RABGAP1L: variants seen among roughly 807,000 people sequenced by gnomAD.
RABGAP1L encodes the protein rab GTPase-activating protein 1-like.
Under a neutral mutation model 137.7 loss-of-function variants are expected in RABGAP1L, and 63 were observed. The ratio of observed to expected loss-of-function variants is 0.46; its 90% CI spans 0.37 to 0.56. The LOEUF (loss-of-function observed/expected upper bound fraction) is 0.56. Among genes scored for constraint, RABGAP1L ranks in the 20% least tolerant of loss-of-function variants. RABGAP1L has a pLI of 0.00. For missense variants in RABGAP1L, 1,095 were observed against 1,244.0 expected, an observed-to-expected ratio of 0.88 and a Z score of 1.80; for synonymous variants, 431 against 433.7, an observed-to-expected ratio of 0.99 and a Z score of 0.08.
chr1:174,847,346 G>T (rs923100437), intron 19 of RABGAP1L, among the ~76,000 whole-genome samples: 9 of 151,570 alleles, frequency 5.9e-5, no homozygotes, highest in African/African-American at 2.2e-4. Flanking sequence ...ATTTTGGCAT[G>T]ATTTTGCAGC....
At chr1:174,338,557 T>C (rs1681689358) in intron 11 of RABGAP1L, among the ~76,000 whole-genome samples, 1 of 151,770 alleles carries the variant, frequency 6.6e-6, no homozygotes, top group South Asian at 2.1e-4. Context: ...TTTTTTTAAG[T>C]GGTACTATTC....
At chr1:174,607,040 A>C (rs1670843002) in intron 13 of RABGAP1L, among the ~76,000 whole-genome samples, 1 of 152,174 alleles carries the variant, frequency 6.6e-6, no homozygotes, top group African/African-American at 2.4e-5. Flanking sequence ...GGACTGCCAG[A>C]TGTAGCAAAT....
At chr1:174,531,243 T>A (rs12738662) in intron 13 of RABGAP1L, among the ~76,000 whole-genome samples, 3,108 of 152,296 alleles carry the variant, frequency 0.02, 45 homozygotes, top group Middle Eastern at 0.048. Flanking sequence ...TTCATATACC[T>A]ATCAGAGATG....
intron 17 of RABGAP1L, among the ~76,000 whole-genome samples, chr1:174,706,235 C>A (rs1333456731): frequency 6.6e-6 from 1 of 152,114 alleles, no homozygotes; most frequent in African/African-American, 2.4e-5. Context: ...TGCAGCCTGA[C>A]TGAACAACTG....
At chr1:174,597,624 G>T (rs527975529) in intron 13 of RABGAP1L, among the ~76,000 whole-genome samples, 1 of 151,448 alleles carries the variant, frequency 6.6e-6, no homozygotes, top group South Asian at 2.1e-4. Context: ...CTACAGGTTT[G>T]TTGATTTTGT....
chr1:174,194,027 G>A (rs1667394311), intron 1 of RABGAP1L, among the ~76,000 whole-genome samples: 1 of 151,898 alleles, frequency 6.6e-6, no homozygotes, highest in Non-Finnish European at 1.5e-5. Context: ...CGTGTTCAGG[G>A]TCATTAAACT....
intron 4 of RABGAP1L, among the ~76,000 whole-genome samples, chr1:174,240,080 A>G (rs1388500813): frequency 6.6e-6 from 1 of 152,174 alleles, no homozygotes; most frequent in Non-Finnish European, 1.5e-5. Context: ...TTTAGCTTCA[A>G]TTTGCCAAAC....
At chr1:174,730,911 G>A (rs1682411443) in intron 17 of RABGAP1L, among the ~76,000 whole-genome samples, 1 of 152,194 alleles carries the variant, frequency 6.6e-6, no homozygotes, top group Admixed American at 6.5e-5. Context: ...GAAATCTTAT[G>A]TATAAGGACA....
chr1:174,341,767 G>A (rs1275864345), intron 11 of RABGAP1L, among the ~76,000 whole-genome samples: 1 of 152,090 alleles, frequency 6.6e-6, no homozygotes, highest in Non-Finnish European at 1.5e-5. Context: ...ATGACCTGAA[G>A]ATTTGTTTTG....
intron 19 of RABGAP1L, among the ~76,000 whole-genome samples, chr1:174,924,775 T>C (rs749748772): frequency 1.3e-5 from 2 of 151,886 alleles, no homozygotes; most frequent in Non-Finnish European, 2.9e-5. Context: ...TTAAGAAAAA[T>C]CAGTCACTAT....
At chr1:174,896,621 G>A (rs1318700588) in intron 19 of RABGAP1L, among the ~76,000 whole-genome samples, 1 of 152,178 alleles carries the variant, frequency 6.6e-6, no homozygotes, top group Non-Finnish European at 1.5e-5. Flanking sequence ...TTTGTATAAG[G>A]TATAAGGAAG....
At chr1:174,920,813 G>A (rs1423153555) in intron 19 of RABGAP1L, among the ~76,000 whole-genome samples, 3 of 152,272 alleles carry the variant, frequency 2.0e-5, no homozygotes, top group East Asian at 1.9e-4. Context: ...CACGAATTGA[G>A]CCCTCAGAAG....
chr1:174,696,659 C>T (rs748017731), intron 15 of RABGAP1L, among the ~76,000 whole-genome samples: 1 of 152,210 alleles, frequency 6.6e-6, no homozygotes, highest in Non-Finnish European at 1.5e-5. Context: ...CAGGGCAGCA[C>T]TGAGTACCAG....
At chr1:174,430,862 G>A (rs1249310622) in intron 13 of RABGAP1L, among the ~76,000 whole-genome samples, 1 of 152,124 alleles carries the variant, frequency 6.6e-6, no homozygotes, top group Non-Finnish European at 1.5e-5. Context: ...ATAAAGACAA[G>A]AGCATGAGTA....
chr1:174,812,972 G>A (rs1426070074), intron 19 of RABGAP1L, among the ~76,000 whole-genome samples: 1 of 152,196 alleles, frequency 6.6e-6, no homozygotes, highest in Non-Finnish European at 1.5e-5. Context: ...CAGCTGGAGT[G>A]AAGTGAATGA....
chr1:174,703,775 TCTGA>T (rs1437196578), intron 17 of RABGAP1L, among the ~76,000 whole-genome samples: 1 of 152,254 alleles, frequency 6.6e-6, no homozygotes, highest in Non-Finnish European at 1.5e-5. Context: ...TAATAGCCAT[TCTGA>T]CTGTCATAAG....
chr1:174,376,086 A>G (rs1685513882), intron 12 of RABGAP1L, among the ~76,000 whole-genome samples: 3 of 151,730 alleles, frequency 2.0e-5, no homozygotes, highest in Non-Finnish European at 4.4e-5. Context: ...AGAGTAAAGT[A>G]AAGTAAAGAA....
At chr1:174,173,634 G>A (rs999945604) in intron 1 of RABGAP1L, among the ~76,000 whole-genome samples, 3 of 151,150 alleles carry the variant, frequency 2.0e-5, no homozygotes, top group African/African-American at 7.3e-5. Flanking sequence ...TATACAGTTG[G>A]TTTCATTCTC....
At chr1:174,718,656 T>C (rs985329963) in intron 17 of RABGAP1L, among the ~76,000 whole-genome samples, 5 of 152,092 alleles carry the variant, frequency 3.3e-5, no homozygotes, top group Admixed American at 1.3e-4. Context: ...CCTCCAGCTG[T>C]ATCAGGCTGA....
Sources: allele counts gnomAD v4.1 joint callset (sites outside exome capture counted in the v4.1 genomes callset), GRCh38; gene constraint gnomAD v4.1.1; transcripts MANE v1.5; gene names NCBI Gene and HGNC (gene_info 2026-07-23, HGNC 2026-07-21).